Variants in ANKRD30BL observed in about 807,000 individuals in gnomAD.
The protein encoded by ANKRD30BL is putative ankyrin repeat domain-containing protein 30B-like.
A neutral mutation model predicts 18.4 loss-of-function variants in ANKRD30BL; 20 were observed. The observed-to-expected ratio is 1.09, with a 90% confidence interval of 0.77 to 1.58. The LOEUF is 1.58. Among genes scored for constraint, ANKRD30BL ranks in the 40% most tolerant of loss-of-function variants. The pLI is 0.00. For synonymous variants in ANKRD30BL, 72 were observed against 100.9 expected (o/e 0.71, Z 1.72); for missense variants, 224 against 268.6 (o/e 0.83, Z 1.16).
intron 1 of ANKRD30BL, among the ~76,000 whole-genome samples, chr2:132,222,526 G>A (rs62165529): frequency 0.17 from 26,040 of 151,944 alleles, 4,933 homozygotes; most frequent in African/African-American, 0.47. Context: ...CTGTTGATCT[G>A]TGACCTTACC....
intron 1 of ANKRD30BL, among the ~76,000 whole-genome samples, chr2:132,253,593 C>T (rs1387776348): frequency 2.6e-5 from 4 of 152,142 alleles, no homozygotes; most frequent in Admixed American, 1.3e-4. Context: ...AAGCCCCCAC[C>T]GACATCAGTG....
chr2:132,199,342 C>A (rs1032187833), intron 1 of ANKRD30BL, among the ~76,000 whole-genome samples: 1 of 152,014 alleles, frequency 6.6e-6, no homozygotes, highest in Non-Finnish European at 1.5e-5. Context: ...CCTGGAGACA[C>A]AGCAAGACTC....
chr2:132,224,826 T>C lies in ANKRD30BL; in HGVS notation n.441+32703A>G, dbSNP rs577989910. On this transcript the variant is annotated intron_variant and non_coding_transcript_variant, in intron 1 of 4. Coordinates refer to the ANKRD30BL transcript ENST00000470729. ...AATGGGAATATCTTCACATAATCAC[T>C]AGACAAGGGTTCTCTGAAACTTCTT... Among the ~76,000 whole-genome samples the C allele has an allele frequency of 2.6e-5, 4 of 152,022 alleles. No homozygotes were observed. In the South Asian group the frequency reaches 8.3e-4, roughly 32 times the overall value.
intron 1 of ANKRD30BL, among the ~76,000 whole-genome samples, chr2:132,202,767 A>G (rs1679133401): frequency 1.3e-5 from 2 of 152,208 alleles, no homozygotes; most frequent in Non-Finnish European, 2.9e-5. Flanking sequence ...TAAATGAATG[A>G]CAATGGAATA....
intron 1 of ANKRD30BL, among the ~76,000 whole-genome samples, chr2:132,188,701 C>G (rs1420430110): frequency 6.7e-6 from 1 of 148,910 alleles, no homozygotes; most frequent in Admixed American, 6.6e-5. Context: ...TAGAGCGAGC[C>G]TCTGTCTCAG....
In ANKRD30BL at chr2:132,229,040, G is replaced by A. The variant is rs200380726; in HGVS notation, n.441+28489C>T. Among the ~76,000 whole-genome samples the A allele has an allele frequency of 1.7e-3, 256 of 151,682 alleles. 1 individual carries two copies. The highest frequency in any genetic ancestry group is 5.9e-3 in the African/African-American group (243 of 41,396). On this transcript the variant is annotated intron_variant and non_coding_transcript_variant, in intron 1 of 4. Coordinates refer to the ANKRD30BL transcript ENST00000470729. Reference sequence around the variant, plus strand: ...TTTCTTTTGATAGAGCAGTTTTAAAGCTCCCTTTTTGTATAATCTCTAAGT... The same window carrying A: ...TTTCTTTTGATAGAGCAGTTTTAAAACTCCCTTTTTGTATAATCTCTAAGT...
At chr2:132,158,062 G>A (rs1204890436) in intron 1 of ANKRD30BL, among the ~76,000 whole-genome samples, 5 of 152,008 alleles carry the variant, frequency 3.3e-5, no homozygotes, top group Non-Finnish European at 7.4e-5. Context: ...AAACAATCTT[G>A]TATTGGTACA....
At chr2:132,206,862 G>A (rs1052036040) in intron 1 of ANKRD30BL, among the ~76,000 whole-genome samples, 3 of 152,278 alleles carry the variant, frequency 2.0e-5, no homozygotes, top group African/African-American at 7.2e-5. Flanking sequence ...ATCCTTTCTT[G>A]CTTCTTCTAG....
chr2:132,222,065 G>T (rs1013178077), intron 1 of ANKRD30BL, among the ~76,000 whole-genome samples: 2 of 128,922 alleles, frequency 1.6e-5, no homozygotes, highest in Admixed American at 7.8e-5. Flanking sequence ...TCGGCCAGCC[G>T]CCCCGTCCGG....
intron 1 of ANKRD30BL, among the ~76,000 whole-genome samples, chr2:132,218,785 T>C (rs552733728): frequency 1.3e-5 from 2 of 152,246 alleles, no homozygotes; most frequent in East Asian, 1.9e-4. Flanking sequence ...CAGGCCTTCA[T>C]TGGAAATGGG....
At chr2:132,177,521 T>C (rs1196268349) in intron 1 of ANKRD30BL, among the ~76,000 whole-genome samples, 4 of 152,214 alleles carry the variant, frequency 2.6e-5, no homozygotes, top group Non-Finnish European at 5.9e-5. Context: ...TGTTCTGAGA[T>C]TCAGTCAAGA....
chr2:132,204,832 G>C (rs1309850796), intron 1 of ANKRD30BL, among the ~76,000 whole-genome samples: 114 of 152,260 alleles, frequency 7.5e-4, no homozygotes, highest in African/African-American at 2.7e-3. Flanking sequence ...TATAAAATGT[G>C]TTTATGGCTA....
chr2:132,180,247 T>C (rs1023080324), intron 1 of ANKRD30BL, among the ~76,000 whole-genome samples: 6 of 151,646 alleles, frequency 4.0e-5, no homozygotes, highest in African/African-American at 1.5e-4. Flanking sequence ...TACTGCACCT[T>C]TTCTATGATA....
intron 1 of ANKRD30BL, among the ~76,000 whole-genome samples, chr2:132,217,333 G>A (rs372954690): frequency 2.0e-5 from 3 of 152,018 alleles, no homozygotes; most frequent in Non-Finnish European, 4.4e-5. Context: ...TCACAGAATT[G>A]AACCTTTCTT....
chr2:132,152,271 A>G (rs537790699), intron 4 of ANKRD30BL: 31 of 152,324 alleles, frequency 2.0e-4, no homozygotes, highest in South Asian at 6.2e-4. Flanking sequence ...ACAGATTTCT[A>G]TGTCATCTTT....
At chr2:132,210,696 G>A (rs1679322786) in intron 1 of ANKRD30BL, among the ~76,000 whole-genome samples, 1 of 151,836 alleles carries the variant, frequency 6.6e-6, no homozygotes. Flanking sequence ...GACCTATGGT[G>A]GAAACTGAAA....
intron 1 of ANKRD30BL, among the ~76,000 whole-genome samples, chr2:132,216,775 A>C (rs1241628780): frequency 6.6e-6 from 1 of 152,162 alleles, no homozygotes; most frequent in Admixed American, 6.6e-5. Context: ...AGAGAGAAGC[A>C]TTCTCAGAAA....
chr2:132,186,824 T>A (rs1688568297), intron 1 of ANKRD30BL, among the ~76,000 whole-genome samples: 1 of 152,124 alleles, frequency 6.6e-6, no homozygotes, highest in Admixed American at 6.6e-5. Context: ...AGTTAAAAAA[T>A]ATTTTGGATC....
At chr2:132,220,757 C>T (rs1304016709) in intron 1 of ANKRD30BL, among the ~76,000 whole-genome samples, 6 of 151,854 alleles carry the variant, frequency 4.0e-5, no homozygotes, top group South Asian at 2.1e-4. Context: ...CCCAAAGAGC[C>T]GAGATTGCAG....
Sources: gnomAD v4.1 joint callset for allele counts (sites outside exome capture counted in the v4.1 genomes callset) on GRCh38, gnomAD v4.1.1 for gene constraint, MANE v1.5 for transcripts, NCBI Gene and HGNC (gene_info 2026-07-23, HGNC 2026-07-21) for gene names.